Variants in WDR35 observed in about 807,000 individuals in gnomAD.
The protein encoded by WDR35 is WD repeat domain 35.
Under a neutral mutation model 158.3 loss-of-function variants are expected in WDR35, and 118 were observed. The observed-to-expected ratio is 0.75, with a 90% CI of 0.64 to 0.87. The LOEUF is 0.87. Among genes scored for constraint, WDR35 ranks in the 40% least tolerant of loss-of-function variants. WDR35 has a pLI of 0.00. For synonymous variants in WDR35, 448 were observed against 476.1 expected, an observed-to-expected ratio of 0.94 and a Z score of 0.77; for missense variants, 1,263 against 1,405.8, an observed-to-expected ratio of 0.90 and a Z score of 1.62.
chr2:19,933,624 G>T, intron 21 of WDR35, 113 bp from the exon 22 acceptor site: 1 of 905,886 alleles, frequency 1.1e-6, no homozygotes, highest in Middle Eastern at 2.8e-4. Context: ...GGTAGTTACA[G>T]ATTTTTCTTG....
chr2:19,922,042 T>C (rs913294059), intron 25 of WDR35, among the ~76,000 whole-genome samples: 1 of 152,184 alleles, frequency 6.6e-6, no homozygotes, highest in Non-Finnish European at 1.5e-5. Context: ...CCAGTTAGAA[T>C]GGTGATCATT....
intron 10 of WDR35, among the ~76,000 whole-genome samples, chr2:19,966,452 G>A (rs1331292955): frequency 2.0e-5 from 3 of 152,054 alleles, no homozygotes; most frequent in Non-Finnish European, 4.4e-5. Context: ...AAAAGGGATT[G>A]CGGTATTTTA....
At chr2:19,973,310 ACTCCATGGTGATT>A (rs1299171798) in intron 8 of WDR35, among the ~76,000 whole-genome samples, 1 of 151,878 alleles carries the variant, frequency 6.6e-6, no homozygotes, top group Non-Finnish European at 1.5e-5. Flanking sequence ...CAAAATAACT[ACTCCATGGTGATT>A]TCTTATGTTA....
At chr2:19,957,928 A>C (rs976571414) in intron 11 of WDR35, among the ~76,000 whole-genome samples, 1 of 152,228 alleles carries the variant, frequency 6.6e-6, no homozygotes, top group African/African-American at 2.4e-5. Flanking sequence ...AGTCATTACT[A>C]GCCAAGCAAG....
chr2:19,965,677 A>T (rs1671826591), intron 10 of WDR35, among the ~76,000 whole-genome samples: 2 of 152,188 alleles, frequency 1.3e-5, no homozygotes, highest in Non-Finnish European at 2.9e-5. Context: ...TCTTCAGCGC[A>T]GAGACTCTTT....
At chr2:19,974,226 G>A (rs544177959) in intron 7 of WDR35, among the ~76,000 whole-genome samples, 1 of 152,022 alleles carries the variant, frequency 6.6e-6, no homozygotes, top group Non-Finnish European at 1.5e-5. Flanking sequence ...CTGGCTAACA[G>A]GGTGAAACCC....
intron 8 of WDR35, among the ~76,000 whole-genome samples, chr2:19,972,331 C>T (rs2103451992): frequency 6.6e-6 from 1 of 152,318 alleles, no homozygotes; most frequent in African/African-American, 2.4e-5. Context: ...TTCCGTTTAA[C>T]ACTTAACACA....
intron 4 of WDR35, among the ~76,000 whole-genome samples, chr2:19,979,149 C>G (rs1252387492): frequency 6.6e-6 from 1 of 151,724 alleles, no homozygotes; most frequent in Non-Finnish European, 1.5e-5. Flanking sequence ...TTCCCTCTCT[C>G]TTTCTTTCTG....
intron 5 of WDR35, 99 bp downstream of exon 5, chr2:19,978,652 C>T: frequency 6.5e-7 from 1 of 1,542,080 alleles, no homozygotes; most frequent in Non-Finnish European, 8.9e-7. Context: ...GTCTATTTTT[C>T]AATCAGAATG....
In WDR35 at chr2:19,942,577, CAACAA is replaced by C. The variant is rs1670915470; in HGVS notation, c.1846-743_1846-739del. On this transcript the variant is annotated intron_variant, in intron 16 of 26. Transcript: ENST00000281405. ...TTTTTTTATTTTTGGCAAGACAGTG[CAACAA>C]AACAAGATAATCAAAAGATAAACTC... Among the ~76,000 whole-genome samples the C allele has an allele frequency of 3.5e-5, 5 of 144,174 alleles. No homozygotes were observed. In the South Asian group the frequency reaches 1.1e-3, roughly 32 times the overall value. 94.6% of individuals were successfully genotyped at this position (144,174 alleles called of 152,430 possible).
At chr2:19,967,641 G>C (rs1253556869) in intron 9 of WDR35, among the ~76,000 whole-genome samples, 1 of 151,958 alleles carries the variant, frequency 6.6e-6, no homozygotes, top group East Asian at 1.9e-4. Flanking sequence ...ATATTATCAT[G>C]ATTGTGTTTA....
intron 12 of WDR35, among the ~76,000 whole-genome samples, chr2:19,953,111 G>A (rs1180599521): frequency 6.6e-6 from 1 of 152,118 alleles, no homozygotes; most frequent in African/African-American, 2.4e-5. Context: ...AGAATCCTTA[G>A]GTTAAAACAT....
intron 5 of WDR35, 58 bp from the exon 6 acceptor site, chr2:19,975,721 C>T (rs1012606895): frequency 1.6e-5 from 25 of 1,609,418 alleles, no homozygotes; most frequent in South Asian, 5.5e-5. Flanking sequence ...CAACGGCTTT[C>T]GAAATCTTTG....
At chr2:19,931,621 C>A (rs917794633) in intron 23 of WDR35, among the ~76,000 whole-genome samples, 9 of 151,916 alleles carry the variant, frequency 5.9e-5, no homozygotes, top group Admixed American at 5.2e-4. Flanking sequence ...AGTATTTAGC[C>A]CTAGGAGTTG....
chr2:19,957,121 A>G (rs1318986017), intron 11 of WDR35, among the ~76,000 whole-genome samples: 2 of 152,306 alleles, frequency 1.3e-5, no homozygotes, highest in African/African-American at 4.8e-5. Context: ...AACCTGGTCA[A>G]TCTGGCTCCA....
intron 8 of WDR35, 108 bp downstream of exon 8, chr2:19,973,455 T>C (rs764910509): frequency 3.0e-5 from 42 of 1,391,892 alleles, no homozygotes; most frequent in Non-Finnish European, 3.9e-5. Context: ...GAAATGTCCC[T>C]AAAAGAAAAT....
At chr2:19,940,571 C>A (rs542956381) in intron 17 of WDR35, among the ~76,000 whole-genome samples, 1 of 152,124 alleles carries the variant, frequency 6.6e-6, no homozygotes, top group South Asian at 2.1e-4. Flanking sequence ...TAGGTAATAA[C>A]AGCCCAGACT....
rs188816586 is a variant in WDR35 at position 19,989,967 on chromosome 2, C to G, written c.24+25G>C. On this transcript the variant is annotated intron_variant, in intron 1 of 26. Transcript: ENST00000281405. ...GCAGGCTGCGGGAATGGCGGAGAAA[C>G]GAGGACGCCCCCCAGGAAACTCACT... is the stretch of plus-strand genomic sequence containing the variant. 241 of 1,613,316 alleles carry G rather than the reference C, an allele frequency of 1.5e-4. 1 individual carries two copies. The Middle Eastern group carries it at 2.0e-3, about 13-fold the overall frequency.
Position 19,934,262 on chromosome 2 carries a change from C to T in WDR35, c.2548-751G>A, listed in dbSNP as rs1670621434. Among the ~76,000 whole-genome samples, 1 of 152,074 alleles carries T rather than the reference C, an allele frequency of 6.6e-6. No individual in the cohort carries two copies. The highest frequency in any genetic ancestry group is 1.5e-5 in the Non-Finnish European group (1 of 68,016). The stretch of plus-strand genomic sequence containing the variant: ...ATATTTTTCTGATTATAAGGGAATA[C>T]ATTCTATCTGTAAAAAAAATTACAA... On this transcript the variant is annotated intron_variant, in intron 21 of 26. Coordinates refer to ENST00000281405, the MANE Select transcript of WDR35 (RefSeq NM_020779.4). The surrounding 1 kb of genome is among the most constrained non-coding windows in gnomAD (Gnocchi z 4.6).
Sources: allele counts gnomAD v4.1 joint callset (sites outside exome capture counted in the v4.1 genomes callset), GRCh38; gene constraint gnomAD v4.1.1; non-coding constraint Gnocchi (gnomAD v3.1); transcripts MANE v1.5; gene names NCBI Gene and HGNC (gene_info 2026-07-23, HGNC 2026-07-21).